Variants in PCDH15 observed in about 807,000 individuals in gnomAD.
PCDH15 encodes the protein protocadherin related 15.
In PCDH15, 129 loss-of-function variants were observed where a neutral mutation model predicts 178.5. That is an observed-to-expected ratio of 0.72 (90% CI 0.63 to 0.84). The LOEUF is 0.84. Among genes scored for constraint, PCDH15 ranks in the 40% least tolerant of loss-of-function variants. The probability of loss-of-function intolerance (pLI) is 0.00; values close to 1 mark genes in which losing one functional copy is unlikely to be tolerated. For synonymous variants in PCDH15, 800 were observed against 732.0 expected, an observed-to-expected ratio of 1.09 and a Z score of -1.50; for missense variants, 2,230 against 2,099.9, an observed-to-expected ratio of 1.06 and a Z score of -1.21.
intron 20 of PCDH15, among the ~76,000 whole-genome samples, chr10:54,010,335 C>T (rs536600629): frequency 6.6e-6 from 1 of 152,052 alleles, no homozygotes. Flanking sequence ...TCGGCAACCC[C>T]CGACCTGGGC....
chr10:54,757,121 G>A (rs939206226), intron 1 of PCDH15, among the ~76,000 whole-genome samples: 4 of 152,192 alleles, frequency 2.6e-5, no homozygotes, highest in Middle Eastern at 6.8e-3. Context: ...GCTTCCAGCC[G>A]GGGTATATTC....
At chr10:53,937,397 T>G (rs186354451) in intron 25 of PCDH15, among the ~76,000 whole-genome samples, 101 of 152,330 alleles carry the variant, frequency 6.6e-4, no homozygotes, top group African/African-American at 2.2e-3. Context: ...TAATTTAGAG[T>G]TACTCCAACC....
At position 55,362,753 on chromosome 10, in the gene PCDH15, C is replaced by T. The variant is rs972382052; in HGVS notation, c.-155-196102G>A. Among the ~76,000 whole-genome samples the T allele has an allele frequency of 4.6e-5, 7 of 152,004 alleles. No individual in the cohort carries two copies. The South Asian group carries it at 1.4e-3, about 31-fold the overall frequency. ...ACCACAGTCAAGATACAAAAGAGTTCCTCGTGATGTCCTTTAACAGCCATA... is the reference window on the plus strand; with the variant it reads ...ACCACAGTCAAGATACAAAAGAGTTTCTCGTGATGTCCTTTAACAGCCATA... On this transcript the variant is annotated intron_variant, in intron 2 of 5. Transcript: ENST00000613346.
chr10:54,992,657 A>T (rs1208863624), intron 2 of PCDH15, among the ~76,000 whole-genome samples: 1 of 151,772 alleles, frequency 6.6e-6, no homozygotes, highest in Admixed American at 6.6e-5. Flanking sequence ...CGGGAGGCTG[A>T]GGCAGGAGAA....
At chr10:53,997,342 G>A (rs1206807912) in intron 20 of PCDH15, among the ~76,000 whole-genome samples, 1 of 151,992 alleles carries the variant, frequency 6.6e-6, no homozygotes, top group African/African-American at 2.4e-5. Context: ...TAAAACATTA[G>A]CATTCACACA....
intron 6 of PCDH15, among the ~76,000 whole-genome samples, chr10:54,343,436 T>C (rs894676874): frequency 1.3e-4 from 20 of 152,192 alleles, no homozygotes; most frequent in African/African-American, 4.6e-4. Flanking sequence ...CATTTGGAAC[T>C]GTGAGTCATT....
chr10:54,513,677 T>C (rs2137851857), intron 3 of PCDH15, among the ~76,000 whole-genome samples: 1 of 152,314 alleles, frequency 6.6e-6, no homozygotes, highest in Admixed American at 6.5e-5. Context: ...AAAATCTTAA[T>C]CATATTAATA....
chr10:54,672,353 C>G lies in PCDH15; in HGVS notation c.-28-8063G>C, dbSNP rs563772821. The stretch of plus-strand genomic sequence containing the variant: ...TGAAACCAGTCCCTGGTGCCACAAA[C>G]TTGGGGACCATTGCCATAGATAGTG... On this transcript the variant is annotated intron_variant, in intron 1 of 37. Transcript: ENST00000644397. Among the ~76,000 whole-genome samples the G allele has an allele frequency of 1.2e-4, 18 of 152,190 alleles. No individual in the cohort carries two copies. In the South Asian group the frequency reaches 3.5e-3, roughly 30 times the overall value.
At position 54,257,391 on chromosome 10, in the gene PCDH15, G is replaced by C. The variant is rs1374724824; in HGVS notation, c.877-20460C>G. Among the ~76,000 whole-genome samples the C allele has an allele frequency of 5.9e-5, 8 of 134,958 alleles. 1 individual carries two copies. In the Admixed American group the frequency reaches 6.4e-4, roughly 11 times the overall value. 88.5% of individuals were successfully genotyped at this position (134,958 alleles called of 152,430 possible). On this transcript the variant is annotated intron_variant, in intron 8 of 37. Coordinates refer to ENST00000644397, the MANE Select transcript of PCDH15 (RefSeq NM_001384140.1). The stretch of plus-strand genomic sequence containing the variant: ...CCTCATAGGAGCTGTGTGAAATAAA[G>C]AGAATTGTCTTCTTTTTTTTTTTTT...
intron 2 of PCDH15, among the ~76,000 whole-genome samples, chr10:54,634,017 ATC>A: frequency 6.6e-6 from 1 of 152,142 alleles, no homozygotes; most frequent in African/African-American, 2.4e-5. Context: ...ACTGGAGCCA[ATC>A]CTTATCTTCA....
At chr10:53,906,494 G>A (rs563104096) in intron 25 of PCDH15, among the ~76,000 whole-genome samples, 18 of 152,024 alleles carry the variant, frequency 1.2e-4, no homozygotes, top group African/African-American at 2.7e-4. Context: ...TAATTTTTCC[G>A]CTCAGATATT....
At position 54,728,662 on chromosome 10, in the gene PCDH15, G is replaced by A. The variant is rs575461349; in HGVS notation, c.-28-64372C>T. Among the ~76,000 whole-genome samples the A allele has an allele frequency of 2.0e-5, 3 of 151,266 alleles. No homozygotes were observed. The South Asian group carries it at 6.2e-4, about 31-fold the overall frequency. Reference sequence around the variant, plus strand: ...TTCAAACTATCTCTGTAGACAATGGGATTCTATGCCTAGAAAACCCCATAG... The same window carrying A: ...TTCAAACTATCTCTGTAGACAATGGAATTCTATGCCTAGAAAACCCCATAG... On this transcript the variant is annotated intron_variant, in intron 1 of 37. Coordinates refer to ENST00000644397, the MANE Select transcript of PCDH15 (RefSeq NM_001384140.1).
At chr10:54,429,461 A>G (rs1301437356) in intron 3 of PCDH15, among the ~76,000 whole-genome samples, 1 of 152,216 alleles carries the variant, frequency 6.6e-6, no homozygotes, top group Non-Finnish European at 1.5e-5. Context: ...CAAAATGGCA[A>G]GAGTAAGTCC....
intron 1 of PCDH15, among the ~76,000 whole-genome samples, chr10:54,779,421 TAC>T (rs1164712807): frequency 1.1e-5 from 1 of 94,474 alleles, no homozygotes. Context: ...TATATATATA[TAC>T]ACACACATAT....
chr10:53,815,369 T>C (rs2076023744), intron 35 of PCDH15, among the ~76,000 whole-genome samples: 1 of 152,218 alleles, frequency 6.6e-6, no homozygotes, highest in Admixed American at 6.5e-5. Flanking sequence ...TAACATTTTA[T>C]AGAAGATGAA....
At chr10:55,145,705 G>A (rs947941872) in intron 2 of PCDH15, among the ~76,000 whole-genome samples, 3 of 151,870 alleles carry the variant, frequency 2.0e-5, no homozygotes, top group African/African-American at 4.8e-5. Flanking sequence ...AGCACAATAC[G>A]ATTCCAGAAA....
intron 32 of PCDH15, chr10:53,821,692 G>A (rs1471522295): frequency 7.0e-7 from 1 of 1,420,804 alleles, no homozygotes; most frequent in Non-Finnish European, 9.2e-7. Flanking sequence ...GAGTGAGTTA[G>A]TAGTGATGAG....
intron 3 of PCDH15, among the ~76,000 whole-genome samples, chr10:54,492,073 A>G (rs2079647942): frequency 6.6e-6 from 1 of 152,202 alleles, no homozygotes; most frequent in African/African-American, 2.4e-5. Context: ...TTCCCTTTAA[A>G]AGGACAGCTG....
chr10:54,461,606 C>T (rs1023339283), intron 3 of PCDH15, among the ~76,000 whole-genome samples: 1 of 152,118 alleles, frequency 6.6e-6, no homozygotes, highest in African/African-American at 2.4e-5. Context: ...TATTAAATAG[C>T]TGAAACCTCT....
Sources: gnomAD v4.1 joint callset for allele counts (sites outside exome capture counted in the v4.1 genomes callset) on GRCh38, gnomAD v4.1.1 for gene constraint, MANE v1.5 for transcripts, NCBI Gene and HGNC (gene_info 2026-07-23, HGNC 2026-07-21) for gene names.